ARHGAP6: variants seen among roughly 807,000 people sequenced by gnomAD.
The protein encoded by ARHGAP6 is rho GTPase-activating protein 6.
In ARHGAP6, 16 loss-of-function variants were observed where a neutral mutation model predicts 55.7. The observed-to-expected ratio is 0.29, with a 90% CI of 0.19 to 0.44. The LOEUF (loss-of-function observed/expected upper bound fraction) is 0.44, where lower values mean the gene tolerates loss of function less well. ARHGAP6 is among the 20% of genes least tolerant of loss of function. The pLI, the probability that ARHGAP6 is intolerant of heterozygous loss-of-function variation, is 1.00. For synonymous variants in ARHGAP6, 382 were observed against 360.9 expected (o/e 1.06, Z -0.66); for missense variants, 698 against 808.9 (o/e 0.86, Z 1.66).
At chrX:11,506,774 C>G (rs2050738154) in intron 1 of ARHGAP6, among the ~76,000 whole-genome samples, 1 of 111,272 alleles carries the variant, frequency 9.0e-6, no homozygotes, top group Non-Finnish European at 1.9e-5. Context: ...ATGGCTGGGT[C>G]AAATGGTATT....
At chrX:11,655,978 G>A (rs2052632799) in intron 1 of ARHGAP6, among the ~76,000 whole-genome samples, 2 of 112,685 alleles carry the variant, frequency 1.8e-5, no homozygotes, top group South Asian at 7.3e-4. Flanking sequence ...AATGTGTCAT[G>A]ACATGTACCA....
rs34138329 is a variant in ARHGAP6 at position 11,497,559 on chromosome X, T to TTC, written c.588+166680_588+166681dup. Reference sequence around the variant, plus strand: ...CTCCCACCCCCTTCCCCCTCCCTCCTTCTCTCTCTCTCTCTCTCTCTCTCT... The same window carrying TTC: ...CTCCCACCCCCTTCCCCCTCCCTCCTTCTCTCTCTCTCTCTCTCTCTCTCTCT... On this transcript the variant is annotated intron_variant, in intron 1 of 12. Coordinates refer to ENST00000337414, the MANE Select transcript of ARHGAP6 (RefSeq NM_013427.3). 9.1e-3 allele frequency among the ~76,000 whole-genome samples: 376 copies of TTC among 41,119 alleles called. 6 individuals carry two copies. The highest frequency in any genetic ancestry group is 0.013 in the South Asian group (5 of 376). 35.7% of individuals were successfully genotyped at this position (41,119 alleles called of 115,157 possible). A position where few individuals can be genotyped will look rare whatever the true frequency, so the allele number is the denominator to read the frequency against.
chrX:11,556,551 C>G (rs1394441476), intron 1 of ARHGAP6, among the ~76,000 whole-genome samples: 1 of 112,191 alleles, frequency 8.9e-6, no homozygotes, highest in Non-Finnish European at 1.9e-5. Flanking sequence ...CTTTAAAAGA[C>G]CAACAGTCAA....
intron 1 of ARHGAP6, among the ~76,000 whole-genome samples, chrX:11,465,346 G>A (rs1304448480): frequency 1.8e-5 from 2 of 111,810 alleles, no homozygotes; most frequent in African/African-American, 3.2e-5. Context: ...CTCATTTTAT[G>A]CTTCAACCTT....
chrX:11,573,618 G>A (rs1201164440), intron 1 of ARHGAP6, among the ~76,000 whole-genome samples: 7 of 110,650 alleles, frequency 6.3e-5, no homozygotes, highest in Admixed American at 9.7e-5. Flanking sequence ...GTCAGGTAGC[G>A]TGATGCCTCC....
chrX:11,455,858 T>C (rs1207050959), intron 1 of ARHGAP6, among the ~76,000 whole-genome samples: 1 of 112,233 alleles, frequency 8.9e-6, no homozygotes, highest in East Asian at 2.8e-4. Flanking sequence ...ATAATGGAGA[T>C]GATAATACTT....
At chrX:11,235,922 T>C (rs1469646408) in intron 2 of ARHGAP6, among the ~76,000 whole-genome samples, 2 of 111,911 alleles carry the variant, frequency 1.8e-5, no homozygotes, top group Non-Finnish European at 3.8e-5. Context: ...GCCCTCTGTC[T>C]CTAGGAAGTT....
intron 1 of ARHGAP6, among the ~76,000 whole-genome samples, chrX:11,288,056 C>T (rs867169510): frequency 2.7e-5 from 3 of 112,178 alleles, no homozygotes; most frequent in Non-Finnish European, 5.6e-5. Flanking sequence ...AACTGACCAC[C>T]CTATTGAAAC....
At chrX:11,465,940 CTCTTCCTCCTCCTCCTCT>C (rs2050288077) in intron 1 of ARHGAP6, among the ~76,000 whole-genome samples, 1 of 90,008 alleles carries the variant, frequency 1.1e-5, no homozygotes, top group Admixed American at 1.4e-4. Context: ...CCTCCTCCTC[CTCTTCCTCCTCCTCCTCT>C]TCCTTCTCCT....
At chrX:11,148,244 A>G (rs989219253) in intron 10 of ARHGAP6, among the ~76,000 whole-genome samples, 6 of 112,218 alleles carry the variant, frequency 5.3e-5, no homozygotes, top group African/African-American at 1.6e-4. Context: ...AAATAAAGGC[A>G]TTAAAATACT....
chrX:11,525,388 T>C (rs1193230350), intron 1 of ARHGAP6, among the ~76,000 whole-genome samples: 1 of 112,205 alleles, frequency 8.9e-6, no homozygotes, highest in East Asian at 2.8e-4. Context: ...AGTCTGCCCA[T>C]AATCTACAAT....
intron 2 of ARHGAP6, among the ~76,000 whole-genome samples, chrX:11,216,182 A>G (rs1274933309): frequency 1.9e-5 from 2 of 104,776 alleles, no homozygotes; most frequent in Non-Finnish European, 3.9e-5. Flanking sequence ...AAAAATGTCC[A>G]CAACAGCGTC....
At chrX:11,632,498 A>T (rs1384781085) in intron 1 of ARHGAP6, among the ~76,000 whole-genome samples, 1 of 112,372 alleles carries the variant, frequency 8.9e-6, no homozygotes. Flanking sequence ...GCAAAGCTCC[A>T]ATTTGATTTG....
intron 1 of ARHGAP6, among the ~76,000 whole-genome samples, chrX:11,275,300 C>A (rs929234866): frequency 9.0e-6 from 1 of 111,649 alleles, no homozygotes; most frequent in Admixed American, 9.5e-5. Context: ...GTAAAGGGTA[C>A]GTATGCAAAT....
intron 1 of ARHGAP6, among the ~76,000 whole-genome samples, chrX:11,341,768 C>G (rs2084518343): frequency 8.9e-6 from 1 of 111,997 alleles, no homozygotes; most frequent in African/African-American, 3.2e-5. Context: ...GTTATACGGG[C>G]TGATAAATTG....
At chrX:11,260,776 T>C (rs1207224521) in intron 1 of ARHGAP6, among the ~76,000 whole-genome samples, 3 of 112,146 alleles carry the variant, frequency 2.7e-5, no homozygotes, top group Non-Finnish European at 5.6e-5. Flanking sequence ...TTGCAAGTCA[T>C]ACAAAAACGG....
At chrX:11,564,798 A>G (rs756445300) in intron 1 of ARHGAP6, among the ~76,000 whole-genome samples, 22 of 111,919 alleles carry the variant, frequency 2.0e-4, no homozygotes, top group South Asian at 3.7e-4. Flanking sequence ...CATGACAAGT[A>G]GAATATGCCA....
rs771014225 is a variant in ARHGAP6, at chrX:11,398,280, A to G, written c.589-143573T>C. On this transcript the variant is annotated intron_variant, in intron 1 of 12. Coordinates refer to ENST00000337414, the MANE Select transcript of ARHGAP6 (RefSeq NM_013427.3). ...AGTGCTATAAAAAAAAAAAAAAAAA[A>G]AAAGAAACCGTGGGAGTATCTTATT... Among the ~76,000 whole-genome samples the G allele has an allele frequency of 1.5e-4, 17 of 110,344 alleles. No individual in the cohort carries two copies. The South Asian group carries it at 1.6e-3, about 10-fold the overall frequency.
At chrX:11,644,565 A>G (rs2052508091) in intron 1 of ARHGAP6, among the ~76,000 whole-genome samples, 1 of 111,152 alleles carries the variant, frequency 9.0e-6, no homozygotes, top group Admixed American at 9.6e-5. Context: ...AGGATGGCCA[A>G]TAAGTACATG....
Sources: allele counts gnomAD v4.1 joint callset (sites outside exome capture counted in the v4.1 genomes callset), GRCh38; gene constraint gnomAD v4.1.1; transcripts MANE v1.5; gene names NCBI Gene and HGNC (gene_info 2026-07-23, HGNC 2026-07-21).